NCKAP5: variants seen among roughly 807,000 people sequenced by gnomAD.
NCKAP5 encodes the protein NCK associated protein 5.
Under a neutral mutation model 167.0 loss-of-function variants are expected in NCKAP5, and 92 were observed. That is an observed-to-expected ratio of 0.55 (90% CI 0.47 to 0.66). The LOEUF is 0.66. Among genes scored for constraint, NCKAP5 ranks in the 30% least tolerant of loss-of-function variants. NCKAP5 has a pLI of 0.00. For synonymous variants in NCKAP5, 891 were observed against 877.4 expected (o/e 1.02, Z -0.27); for missense variants, 2,378 against 2,315.0 (o/e 1.03, Z -0.56).
chr2:133,547,296 G>C (rs1686806385), intron 2 of NCKAP5, among the ~76,000 whole-genome samples: 1 of 152,220 alleles, frequency 6.6e-6, no homozygotes. Flanking sequence ...CAGAGAGGCT[G>C]GGGGAGGGGC....
Position 132,773,823 on chromosome 2 carries a change from G to A in NCKAP5, c.5121C>T (p.His1707=). The change falls in exon 16 of 20, where the codon CAC becomes CAT. Residue 1707 remains histidine (H), a synonymous_variant. Coordinates refer to ENST00000409261, the MANE Select transcript of NCKAP5 (RefSeq NM_207363.3). ...GAATATGTGAATTTTTACCTATGAT[G>A]TGGCTCTGAAATACAGAATCTGCAA... The part of the protein sequence containing the change: ...DAVADSVFQS[H]IIESNCQMRT... 1 of 1,609,240 alleles carries A rather than the reference G, an allele frequency of 6.2e-7. No individual in the cohort carries two copies. Among genetic ancestry groups the A allele is most frequent in the Non-Finnish European group, 8.5e-7 (1 of 1,178,198 alleles).
At chr2:133,313,495 T>G (rs1054322449) in intron 3 of NCKAP5, among the ~76,000 whole-genome samples, 40 of 152,332 alleles carry the variant, frequency 2.6e-4, no homozygotes, top group African/African-American at 8.7e-4. Context: ...AGAGTTATAC[T>G]TATTTTTCAG....
intron 8 of NCKAP5, among the ~76,000 whole-genome samples, chr2:132,916,411 A>T (rs1193226341): frequency 6.6e-6 from 1 of 152,052 alleles, no homozygotes; most frequent in South Asian, 2.1e-4. Context: ...GTGACAGCAT[A>T]AAAACACACA....
intron 3 of NCKAP5, among the ~76,000 whole-genome samples, chr2:133,465,426 G>C (rs1692506870): frequency 6.6e-6 from 1 of 151,568 alleles, no homozygotes; most frequent in African/African-American, 2.4e-5. Context: ...CATTTGGGTT[G>C]GTTCCAAGTC....
chr2:133,512,443 C>T (rs1273896048), intron 3 of NCKAP5, among the ~76,000 whole-genome samples: 1 of 152,202 alleles, frequency 6.6e-6, no homozygotes, highest in Admixed American at 6.5e-5. Flanking sequence ...ACAATCCAGC[C>T]TAGTGCCTGT....
rs546725294 is a variant in NCKAP5 at position 133,023,754 on chromosome 2, C to G, written c.342-29515G>C. On this transcript the variant is annotated intron_variant, in intron 6 of 19. Coordinates refer to ENST00000409261, the MANE Select transcript of NCKAP5 (RefSeq NM_207363.3). ...TTAGGATAATGACCTCCAGCTGCAT[C>G]CACGCTGCTGCAGAGGACATGATTT... 3.5e-3 allele frequency among the ~76,000 whole-genome samples: 539 copies of G among 152,302 alleles called. 5 individuals are homozygous for G. The highest frequency in any genetic ancestry group is 0.012 in the African/African-American group (498 of 41,574).
chr2:132,781,057 A>T lies in NCKAP5; in HGVS notation c.5044T>A (p.Ser1682Thr). The change falls in exon 15 of 20, where the codon TCC becomes ACC. Residue 1682 changes from serine (S) to threonine (T), a missense_variant. Physicochemically the swap from Ser to Thr is moderately conservative, Grantham distance 58 (BLOSUM62 1). This residue lies in a region of NCKAP5 where 1,325 missense variants were observed against 1,274.5 expected (regional missense o/e 1.04). Coordinates refer to ENST00000409261, the MANE Select transcript of NCKAP5 (RefSeq NM_207363.3). ...IKADMEVPKD[S>T]LVKEANENLQ... is the part of the protein sequence containing the mutation. ...CAGGATGGTGGAGCACTTACCAGGG[A>T]GTCTTTTGGTACTTCCATATCGGCT... The T allele has an allele frequency of 1.9e-6, 3 of 1,613,050 alleles. No individual in the cohort carries two copies. The highest frequency in any genetic ancestry group is 2.2e-5 in the South Asian group (2 of 90,854).
chr2:133,256,615 C>T (rs141446416), intron 4 of NCKAP5, among the ~76,000 whole-genome samples: 326 of 152,230 alleles, frequency 2.1e-3, no homozygotes, highest in Non-Finnish European at 3.6e-3. Flanking sequence ...AAAATATCTT[C>T]AGTGTATTAT....
At chr2:133,299,625 C>G (rs1199285633) in intron 4 of NCKAP5, among the ~76,000 whole-genome samples, 1 of 152,100 alleles carries the variant, frequency 6.6e-6, no homozygotes, top group East Asian at 1.9e-4. Flanking sequence ...GCGGAAGGCA[C>G]CTGTAATCCC....
chr2:133,483,629 G>GC (rs981399598), intron 3 of NCKAP5, among the ~76,000 whole-genome samples: 180 of 95,534 alleles, frequency 1.9e-3, no homozygotes, highest in African/African-American at 9.2e-3. Flanking sequence ...AAAAAAAAAG[G>GC]GGGGGGGGCT....
chr2:132,772,030 A>G (rs1180965437), intron 16 of NCKAP5, among the ~76,000 whole-genome samples: 1 of 151,796 alleles, frequency 6.6e-6, no homozygotes, highest in Non-Finnish European at 1.5e-5. Flanking sequence ...TTCTATGTTT[A>G]GCTCTGGGTA....
intron 11 of NCKAP5, among the ~76,000 whole-genome samples, chr2:132,797,099 A>C (rs2105172539): frequency 6.6e-6 from 1 of 152,328 alleles, no homozygotes; most frequent in Non-Finnish European, 1.5e-5. Context: ...ACCAATCACC[A>C]AGTTCACCTT....
the NCKAP5 span, among the ~76,000 whole-genome samples, chr2:133,645,103 C>G: frequency 6.6e-6 from 1 of 152,120 alleles, no homozygotes; most frequent in African/African-American, 2.4e-5. Context: ...GGAATTAAAA[C>G]AAGATGTACA....
chr2:133,516,129 G>T (rs1056285932), intron 3 of NCKAP5, among the ~76,000 whole-genome samples: 1 of 152,140 alleles, frequency 6.6e-6, no homozygotes, highest in African/African-American at 2.4e-5. Context: ...CCTTAGCCTA[G>T]GCCTAAGACA....
the NCKAP5 span, among the ~76,000 whole-genome samples, chr2:133,667,845 A>G: frequency 6.6e-6 from 1 of 151,980 alleles, no homozygotes; most frequent in African/African-American, 2.4e-5. Flanking sequence ...AGGCTTTAAT[A>G]TATTCACAGA....
chr2:132,714,505 T>C (rs1174210449), intron 19 of NCKAP5, among the ~76,000 whole-genome samples: 1 of 152,176 alleles, frequency 6.6e-6, no homozygotes, highest in Admixed American at 6.5e-5. Context: ...AAGGCTGACA[T>C]GATTTATCTA....
At chr2:133,357,282 T>TAAACAGACACACACACACAC (rs1684797454) in intron 3 of NCKAP5, among the ~76,000 whole-genome samples, 1 of 76,412 alleles carries the variant, frequency 1.3e-5, no homozygotes, top group East Asian at 3.8e-4. Context: ...GTCACACACA[T>TAAACAGACACACACACACAC]ACACAGACAC....
In NCKAP5 at chr2:133,498,468, AAGGAAGGAAGGAAGGC is replaced by A. The variant is rs768035496; in HGVS notation, c.69+18974_69+18989del. 6.0e-3 allele frequency among the ~76,000 whole-genome samples: 812 copies of A among 136,326 alleles called. 4 individuals carry two copies. The highest frequency in any genetic ancestry group is 6.3e-3 in the African/African-American group (199 of 31,534). The allele number at this position is 136,326 out of a possible 152,430, so 89.4% of individuals were successfully genotyped here. A position where few individuals can be genotyped will look rare whatever the true frequency, so the allele number is the denominator to read the frequency against. On this transcript the variant is annotated intron_variant, in intron 3 of 19. Coordinates refer to ENST00000409261, the MANE Select transcript of NCKAP5 (RefSeq NM_207363.3). ...GAAGGAAGGAAGGAAGGAAGGAAGGAAGGAAGGAAGGAAGGCAGGCAGGCAGGCAGGCAGGCAGGCA... is the reference window on the plus strand; with the variant it reads ...GAAGGAAGGAAGGAAGGAAGGAAGGAAGGCAGGCAGGCAGGCAGGCAGGCA...
At chr2:132,700,254 T>C (rs1687752880) in intron 19 of NCKAP5, among the ~76,000 whole-genome samples, 1 of 149,344 alleles carries the variant, frequency 6.7e-6, no homozygotes, top group African/African-American at 2.6e-5. Flanking sequence ...ATTACAAAAA[T>C]TTTCTCCCAT....
Sources: gnomAD v4.1 joint callset for allele counts (sites outside exome capture counted in the v4.1 genomes callset) on GRCh38, gnomAD v4.1.1 for gene constraint, gnomAD v4.1.1 regional missense constraint, MANE v1.5 for transcripts, NCBI Gene and HGNC (gene_info 2026-07-23, HGNC 2026-07-21) for gene names.